SLC8A1: variants seen among roughly 807,000 people sequenced by gnomAD.
SLC8A1 encodes solute carrier family 8 member A1.
SLC8A1 carries 18 observed loss-of-function variants against 68.3 expected under a neutral mutation model. The observed-to-expected ratio is 0.26, with a 90% confidence interval of 0.18 to 0.39. The LOEUF is 0.39. Among genes scored for constraint, SLC8A1 ranks in the 10% least tolerant of loss-of-function variants. The pLI, the probability that SLC8A1 is intolerant of heterozygous loss-of-function variation, is 1.00. For synonymous variants in SLC8A1, 475 were observed against 415.5 expected, an observed-to-expected ratio of 1.14 and a Z score of -1.74; for missense variants, 985 against 1,156.7, an observed-to-expected ratio of 0.85 and a Z score of 2.15.
chr2:40,478,766 ATTTG>A (rs1166264621), intron 1 of SLC8A1, among the ~76,000 whole-genome samples: 2 of 149,234 alleles, frequency 1.3e-5, no homozygotes, highest in Non-Finnish European at 3.0e-5. Context: ...CAACCACCTA[ATTTG>A]TTTGTTTTTT....
Position 40,469,485 on chromosome 2 carries a change from AC to A in SLC8A1, c.-24-39182del, listed in dbSNP as rs1325668175. On this transcript the variant is annotated intron_variant, in intron 1 of 7. Coordinates refer to the SLC8A1 transcript ENST00000402441. ...GTCTGAAGAACTGCAAGTCAATTAAACCTGTTTTCTTCATAAATTACTCAGT... is the reference window on the plus strand; with the variant it reads ...GTCTGAAGAACTGCAAGTCAATTAAACTGTTTTCTTCATAAATTACTCAGT... 4.6e-5 allele frequency among the ~76,000 whole-genome samples: 7 copies of A among 152,108 alleles called. No homozygotes were observed. The East Asian group carries it at 9.6e-4, about 21-fold the overall frequency.
chr2:40,392,103 G>A (rs1264549278), intron 2 of SLC8A1, among the ~76,000 whole-genome samples: 4 of 143,628 alleles, frequency 2.8e-5, no homozygotes, highest in Non-Finnish European at 6.1e-5. Context: ...AAGAAAGCGA[G>A]AATGAACAAA....
chr2:40,282,824 C>G (rs2067719707), intron 2 of SLC8A1, among the ~76,000 whole-genome samples: 1 of 152,110 alleles, frequency 6.6e-6, no homozygotes, highest in South Asian at 2.1e-4. Flanking sequence ...CTCTGAACCA[C>G]TATAAACCCA....
At chr2:40,269,476 A>G (rs180975292) in intron 2 of SLC8A1, among the ~76,000 whole-genome samples, 1 of 152,352 alleles carries the variant, frequency 6.6e-6, no homozygotes, top group Admixed American at 6.5e-5. Flanking sequence ...CGAAAAAGTT[A>G]GTAGAGGTGG....
intron 2 of SLC8A1, among the ~76,000 whole-genome samples, chr2:40,358,012 T>C (rs1159285567): frequency 6.8e-6 from 1 of 147,384 alleles, no homozygotes; most frequent in Admixed American, 6.9e-5. Context: ...AAATTATTGT[T>C]GCTCAGTGAA....
intron 4 of SLC8A1, among the ~76,000 whole-genome samples, chr2:40,169,926 CAG>C (rs902736122): frequency 6.6e-6 from 1 of 152,144 alleles, no homozygotes; most frequent in African/African-American, 2.4e-5. Flanking sequence ...GCTTGAGTGA[CAG>C]AGAGAATCCC....
chr2:40,185,818 GA>G (rs1480202021), intron 2 of SLC8A1, among the ~76,000 whole-genome samples: 2 of 152,180 alleles, frequency 1.3e-5, no homozygotes, highest in African/African-American at 4.8e-5. Context: ...CTAGTCTTTA[GA>G]AAAGGCTGTT....
chr2:40,465,874 C>G (rs997140525), intron 1 of SLC8A1, among the ~76,000 whole-genome samples: 2 of 152,248 alleles, frequency 1.3e-5, no homozygotes, highest in Admixed American at 6.5e-5. Context: ...ACCCTGCCCT[C>G]ATGAATGGAT....
At chr2:40,302,182 C>A (rs1321749933) in intron 2 of SLC8A1, among the ~76,000 whole-genome samples, 3 of 151,894 alleles carry the variant, frequency 2.0e-5, no homozygotes, top group African/African-American at 7.3e-5. Flanking sequence ...CAGGTGTGAG[C>A]CACTGCACCC....
intron 4 of SLC8A1, among the ~76,000 whole-genome samples, chr2:40,168,075 A>C (rs1288699925): frequency 6.6e-6 from 1 of 152,176 alleles, no homozygotes; most frequent in East Asian, 1.9e-4. Flanking sequence ...TTCATTGAGC[A>C]CATCTCATTG....
At chr2:40,160,704 TAG>T in intron 6 of SLC8A1, 59 bp downstream of exon 9, 1 of 1,447,756 alleles carries the variant, frequency 6.9e-7, no homozygotes, top group Non-Finnish European at 9.7e-7. Context: ...GTAGCCACAG[TAG>T]GAAAACTCAG....
At chr2:40,430,282 A>G (rs769811963) in exon 2 of SLC8A1, 8 of 1,602,732 alleles carry the variant, frequency 5.0e-6, no homozygotes, top group Non-Finnish European at 6.8e-6. Context: ...GTTGTACATG[A>G]CACTTCCAAC....
intron 2 of SLC8A1, among the ~76,000 whole-genome samples, chr2:40,258,122 C>G (rs954862372): frequency 2.6e-5 from 4 of 152,172 alleles, no homozygotes; most frequent in African/African-American, 7.2e-5. Context: ...TGTAATTTAT[C>G]ATCACAGAAA....
chr2:40,225,255 C>A (rs576635440), intron 2 of SLC8A1, among the ~76,000 whole-genome samples: 1 of 152,230 alleles, frequency 6.6e-6, no homozygotes, highest in Non-Finnish European at 1.5e-5. Flanking sequence ...GGCATACGAC[C>A]TTGCTAAGCT....
intron 1 of SLC8A1, among the ~76,000 whole-genome samples, chr2:40,480,377 T>C (rs911521946): frequency 6.6e-6 from 1 of 152,124 alleles, no homozygotes; most frequent in African/African-American, 2.4e-5. Context: ...ATTAGTGTCC[T>C]TATGAAAAAA....
At chr2:40,180,650 C>G (rs2049337758) in intron 2 of SLC8A1, among the ~76,000 whole-genome samples, 1 of 152,168 alleles carries the variant, frequency 6.6e-6, no homozygotes, top group Admixed American at 6.5e-5. Context: ...AAACTGAAAC[C>G]CCTCATTGTG....
At chr2:40,366,928 G>C (rs1001407198) in intron 2 of SLC8A1, among the ~76,000 whole-genome samples, 1 of 151,934 alleles carries the variant, frequency 6.6e-6, no homozygotes, top group Middle Eastern at 3.2e-3. Flanking sequence ...CTCTGAACAG[G>C]ATTTCATCTT....
At chr2:40,230,463 T>C (rs148922916) in intron 2 of SLC8A1, among the ~76,000 whole-genome samples, 3 of 152,254 alleles carry the variant, frequency 2.0e-5, no homozygotes, top group African/African-American at 7.2e-5. Flanking sequence ...AAGTGAGAAA[T>C]GCTGCTTAGA....
exon 2 of SLC8A1, chr2:40,428,650 T>C: frequency 6.2e-7 from 1 of 1,613,804 alleles, no homozygotes; most frequent in Admixed American, 1.7e-5. Context: ...AGTCACAGGT[T>C]CCTCAAAAGT....
Sources: gnomAD v4.1 joint callset for allele counts (sites outside exome capture counted in the v4.1 genomes callset) on GRCh38, gnomAD v4.1.1 for gene constraint, MANE v1.5 for transcripts, NCBI Gene and HGNC (gene_info 2026-07-23, HGNC 2026-07-21) for gene names.